Variants in FAM114A2 observed in about 807,000 individuals in gnomAD.
FAM114A2 encodes protein FAM114A2.
A neutral mutation model predicts 58.4 loss-of-function variants in FAM114A2; 53 were observed. That is an observed-to-expected ratio of 0.91 (90% CI 0.73 to 1.14). The LOEUF is 1.14. Among genes scored for constraint, FAM114A2 ranks in the 50% most tolerant of loss-of-function variants. FAM114A2 has a pLI of 0.00. For synonymous variants in FAM114A2, 228 were observed against 211.4 expected (o/e 1.08, Z -0.68); for missense variants, 601 against 581.1 (o/e 1.03, Z -0.35).
chr5:154,033,241 C>A lies in FAM114A2; in HGVS notation c.403+550G>T, dbSNP rs1355938487. On this transcript the variant is annotated intron_variant, in intron 4 of 13. Transcript: ENST00000351797. ...GCCCATGAGAGATGAAGAATGCAAA[C>A]CAGGCCTTGAAAAGATTCCTATTTT... Among the ~76,000 whole-genome samples, 3 of 152,150 alleles carry A rather than the reference C, an allele frequency of 2.0e-5. No homozygotes were observed. In the East Asian group the frequency reaches 5.8e-4, roughly 29 times the overall value.
chr5:154,015,369 C>T (rs1770971136), intron 8 of FAM114A2, among the ~76,000 whole-genome samples: 1 of 152,114 alleles, frequency 6.6e-6, no homozygotes, highest in Non-Finnish European at 1.5e-5. Flanking sequence ...CTCACAGAGT[C>T]CACTTCGTCC....
At position 153,992,943 on chromosome 5, in the gene FAM114A2, G is replaced by A. The variant is rs369207860; in HGVS notation, c.*33C>T. 1.3e-4 allele frequency: 213 copies of A among 1,591,368 alleles called. No individual in the cohort carries two copies. The highest frequency in any genetic ancestry group is 1.7e-4 in the South Asian group (15 of 87,996). ...CAGAATAAGGTGGCATTCCTTGGCC[G>A]TCACAAGTCCCAGGTCAAAACGTCT... On this transcript the variant is annotated 3_prime_UTR_variant, in exon 14 of 14. Transcript: ENST00000351797.
intron 9 of FAM114A2, among the ~76,000 whole-genome samples, chr5:154,005,600 G>A (rs1770298812): frequency 6.6e-6 from 1 of 152,148 alleles, no homozygotes; most frequent in African/African-American, 2.4e-5. Context: ...GATAGAGATA[G>A]GTTCCTGAAT....
chr5:154,002,439 A>G, intron 10 of FAM114A2, 49 bp from the exon 11 acceptor site: 2 of 1,582,726 alleles, frequency 1.3e-6, no homozygotes, highest in Non-Finnish European at 1.7e-6. Context: ...CATTTGGTGG[A>G]AAGATACCAC....
At chr5:154,029,809 G>A (rs1377683954) in intron 4 of FAM114A2, among the ~76,000 whole-genome samples, 1 of 152,102 alleles carries the variant, frequency 6.6e-6, no homozygotes, top group Non-Finnish European at 1.5e-5. Flanking sequence ...ACAAACTGCT[G>A]ATATATACAA....
At position 153,993,203 on chromosome 5, in the gene FAM114A2, T is replaced by A. The variant is rs181593064; in HGVS notation, c.1384-93A>T. The A allele has an allele frequency of 3.2e-3, 3,348 of 1,055,776 alleles. 13 individuals are homozygous for A. The highest frequency in any genetic ancestry group is 3.0e-3 in the Non-Finnish European group (2,263 of 764,346). The allele number at this position is 1,055,776 out of a possible 1,614,324, so 65.4% of individuals were successfully genotyped here. On this transcript the variant is annotated intron_variant, in intron 13 of 13. Coordinates refer to ENST00000351797, the MANE Select transcript of FAM114A2 (RefSeq NM_018691.4). ...CAACAGGGGAACAGATTAATTTTTG[T>A]AATCTAACTGAATTCATAGCCTGGC...
At chr5:154,008,263 G>C (rs1475968725) in intron 9 of FAM114A2, among the ~76,000 whole-genome samples, 1 of 152,138 alleles carries the variant, frequency 6.6e-6, no homozygotes, top group Non-Finnish European at 1.5e-5. Context: ...GGAGTGGAAG[G>C]GGAGTGGGAT....
chr5:154,014,678 GTT>G (rs1770911204), intron 8 of FAM114A2, among the ~76,000 whole-genome samples: 1 of 152,194 alleles, frequency 6.6e-6, no homozygotes, highest in Admixed American at 6.5e-5. Context: ...CTAGCAAGCA[GTT>G]TCCATCTTGC....
intron 8 of FAM114A2, among the ~76,000 whole-genome samples, chr5:154,023,668 A>G (rs1171274199): frequency 6.6e-6 from 1 of 152,058 alleles, no homozygotes; most frequent in Non-Finnish European, 1.5e-5. Flanking sequence ...CAGGTGCACA[A>G]ATTGGGTGCA....
At chr5:154,015,533 A>G (rs898563003) in intron 8 of FAM114A2, among the ~76,000 whole-genome samples, 1 of 152,136 alleles carries the variant, frequency 6.6e-6, no homozygotes, top group African/African-American at 2.4e-5. Context: ...CAATCACTAC[A>G]GCTTGGCTCT....
chr5:154,036,513 C>G (rs1216819411), intron 1 of FAM114A2: 1 of 152,096 alleles, frequency 6.6e-6, no homozygotes, highest in African/African-American at 2.4e-5. Context: ...GAATTAGACC[C>G]AACCCATGCT....
At chr5:154,019,532 T>A (rs1771263159) in intron 8 of FAM114A2, among the ~76,000 whole-genome samples, 1 of 151,742 alleles carries the variant, frequency 6.6e-6, no homozygotes, top group Admixed American at 6.6e-5. Context: ...GAAAAAACAA[T>A]CCTAAAATTT....
chr5:154,028,068 C>T (rs1300191216), intron 6 of FAM114A2, 81 bp downstream of exon 6: 3 of 1,241,838 alleles, frequency 2.4e-6, no homozygotes, highest in Non-Finnish European at 2.2e-6. Flanking sequence ...AAAGAAAACA[C>T]TAACAAGGTT....
At chr5:154,015,584 G>A (rs557947207) in intron 8 of FAM114A2, among the ~76,000 whole-genome samples, 2 of 152,102 alleles carry the variant, frequency 1.3e-5, no homozygotes, top group Non-Finnish European at 2.9e-5. Context: ...AGGGTGCTAC[G>A]TCAAGGAAAT....
Position 153,992,919 on chromosome 5 carries a change from A to T in FAM114A2, c.*57T>A. 1 of 1,534,330 alleles carries T rather than the reference A, an allele frequency of 6.5e-7. No individual in the cohort carries two copies. Among genetic ancestry groups the T allele is most frequent in the Non-Finnish European group, 8.9e-7 (1 of 1,121,030 alleles). ...CTCCTTCATTTCTGCAGGAGTAGCC[A>T]GAATAAGGTGGCATTCCTTGGCCGT... On this transcript the variant is annotated 3_prime_UTR_variant, in exon 14 of 14. Coordinates refer to ENST00000351797, the MANE Select transcript of FAM114A2 (RefSeq NM_018691.4).
chr5:154,013,875 A>G (rs1770857830), intron 8 of FAM114A2, among the ~76,000 whole-genome samples: 1 of 152,338 alleles, frequency 6.6e-6, no homozygotes, highest in African/African-American at 2.4e-5. Flanking sequence ...AATAACAGCT[A>G]CATTTATTGA....
intron 4 of FAM114A2, among the ~76,000 whole-genome samples, 189 bp downstream of exon 4, chr5:154,033,602 G>A (rs1323489490): frequency 1.3e-5 from 2 of 152,190 alleles, no homozygotes; most frequent in Non-Finnish European, 2.9e-5. Context: ...GGAAAGTGAA[G>A]TAAAGGGACA....
At chr5:153,993,965 G>A (rs1769405143) in intron 13 of FAM114A2, among the ~76,000 whole-genome samples, 1 of 152,094 alleles carries the variant, frequency 6.6e-6, no homozygotes, top group Admixed American at 6.5e-5. Flanking sequence ...TGAAAATAAC[G>A]AAGTTTGTCA....
chr5:154,002,246 C>T lies in FAM114A2; in HGVS notation c.1256+5G>A, dbSNP rs773665749. On this transcript the variant is annotated splice_donor_5th_base_variant and intron_variant, in intron 11 of 13. Transcript: ENST00000351797. ...ATCATTTAGAGGAATTCTCATTACA[C>T]TTACTGGGAAAGAGTTTGGCTCCTT... is the stretch of plus-strand genomic sequence containing the variant. 8.7e-6 allele frequency: 14 copies of T among 1,612,996 alleles called. No homozygotes were observed. The South Asian group carries it at 1.4e-4, about 16-fold the overall frequency.
Sources: gnomAD v4.1 joint callset for allele counts (sites outside exome capture counted in the v4.1 genomes callset) on GRCh38, gnomAD v4.1.1 for gene constraint, MANE v1.5 for transcripts, NCBI Gene and HGNC (gene_info 2026-07-23, HGNC 2026-07-21) for gene names.